The following FHOD3 variants were observed in gnomAD, a reference collection of about 807,000 sequenced individuals.
FHOD3 encodes the protein formin homology 2 domain containing 3.
Under a neutral mutation model 173.0 loss-of-function variants are expected in FHOD3, and 90 were observed. The ratio of observed to expected loss-of-function variants is 0.52; its 90% CI spans 0.44 to 0.62. The LOEUF (loss-of-function observed/expected upper bound fraction) is 0.62, where lower values mean the gene tolerates loss of function less well. Ranked by LOEUF, FHOD3 falls within the 20% of genes least tolerant of loss-of-function variation. The probability of loss-of-function intolerance (pLI) is 0.00; values close to 1 mark genes in which losing one functional copy is unlikely to be tolerated. For synonymous variants in FHOD3, 828 were observed against 823.0 expected, an observed-to-expected ratio of 1.01 and a Z score of -0.10; for missense variants, 1,945 against 2,034.7, an observed-to-expected ratio of 0.96 and a Z score of 0.85.
chr18:36,306,384 G>C (rs1330579020), intron 1 of FHOD3, among the ~76,000 whole-genome samples: 1 of 152,214 alleles, frequency 6.6e-6, no homozygotes, highest in East Asian at 1.9e-4. Flanking sequence ...GTAGTTTACA[G>C]TAGGTCTTGA....
chr18:36,457,567 C>CT (rs11375109), intron 3 of FHOD3, among the ~76,000 whole-genome samples: 22,359 of 151,556 alleles, frequency 0.15, 3,801 homozygotes, highest in African/African-American at 0.41. Context: ...AAAGGAGCAG[C>CT]TTTTGTAGTT....
chr18:36,727,675 G>C (rs1198854608), intron 19 of FHOD3, among the ~76,000 whole-genome samples: 1 of 152,148 alleles, frequency 6.6e-6, no homozygotes, highest in South Asian at 2.1e-4. Flanking sequence ...GTGTGTTGCT[G>C]TAAGTTGAGC....
At chr18:36,587,380 C>G (rs919002539) in intron 6 of FHOD3, among the ~76,000 whole-genome samples, 1 of 152,168 alleles carries the variant, frequency 6.6e-6, no homozygotes, top group African/African-American at 2.4e-5. Flanking sequence ...CTTCTGACCT[C>G]AGGCATCGTA....
At chr18:36,464,990 T>G (rs2052822676) in intron 3 of FHOD3, among the ~76,000 whole-genome samples, 1 of 152,044 alleles carries the variant, frequency 6.6e-6, no homozygotes, top group South Asian at 2.1e-4. Flanking sequence ...TTTTAAATAA[T>G]AGTAAAATAG....
intron 25 of FHOD3, among the ~76,000 whole-genome samples, chr18:36,755,692 G>T (rs1358789839): frequency 1.3e-5 from 2 of 152,168 alleles, no homozygotes; most frequent in African/African-American, 4.8e-5. Flanking sequence ...AAAGACAAAT[G>T]TACTGATTGG....
At chr18:36,338,315 C>T (rs1238251479) in intron 1 of FHOD3, among the ~76,000 whole-genome samples, 2 of 152,206 alleles carry the variant, frequency 1.3e-5, no homozygotes, top group Non-Finnish European at 2.9e-5. Context: ...GAGGGCAGTA[C>T]TGCTCAGCTC....
At chr18:36,647,978 G>A (rs1049337745) in intron 10 of FHOD3, among the ~76,000 whole-genome samples, 1 of 152,102 alleles carries the variant, frequency 6.6e-6, no homozygotes, top group Non-Finnish European at 1.5e-5. Flanking sequence ...GTACTTTTCT[G>A]TATGTATTTT....
intron 6 of FHOD3, among the ~76,000 whole-genome samples, chr18:36,589,816 G>T (rs1183663947): frequency 1.3e-5 from 2 of 152,060 alleles, no homozygotes; most frequent in African/African-American, 2.4e-5. Context: ...CTTTGTGACT[G>T]CTGTGTCTTC....
chr18:36,770,635 G>A (rs2043336150), intron 28 of FHOD3, among the ~76,000 whole-genome samples: 2 of 152,184 alleles, frequency 1.3e-5, no homozygotes, highest in African/African-American at 4.8e-5. Context: ...AAGATGGGTG[G>A]ACTGAGAATC....
At chr18:36,299,777 A>G (rs917409138) in intron 1 of FHOD3, among the ~76,000 whole-genome samples, 1 of 152,170 alleles carries the variant, frequency 6.6e-6, no homozygotes, top group Non-Finnish European at 1.5e-5. Context: ...AAGTGGTTCT[A>G]CAGAGACCCT....
intron 2 of FHOD3, among the ~76,000 whole-genome samples, chr18:36,372,013 C>G (rs2047218668): frequency 6.6e-6 from 1 of 152,196 alleles, no homozygotes. Flanking sequence ...TTTGGTTCCT[C>G]TCTGCATAAA....
In FHOD3 at chr18:36,730,282, C is replaced by T. The variant is rs1459497900; in HGVS notation, c.3418-364C>T. Reference sequence around the variant, plus strand: ...CCATATGTATGAAGGCCAACCAAGACATTCGGACACCTCAAAGCCCACAAG... The same window carrying T: ...CCATATGTATGAAGGCCAACCAAGATATTCGGACACCTCAAAGCCCACAAG... On this transcript the variant is annotated intron_variant, in intron 19 of 28. Transcript: ENST00000590592. Among the ~76,000 whole-genome samples, 2 of 152,334 alleles carry T rather than the reference C, an allele frequency of 1.3e-5. 1 individual carries two copies. The highest frequency in any genetic ancestry group is 4.1e-4 in the South Asian group (2 of 4,830).
chr18:36,658,048 C>T, intron 13 of FHOD3, 27 bp from the exon 14 acceptor site: 4 of 1,520,130 alleles, frequency 2.6e-6, no homozygotes, highest in Non-Finnish European at 3.6e-6. Context: ...TCCTTTTCCC[C>T]CCAACTTAAA....
At chr18:36,423,300 T>G (rs1167173036) in intron 3 of FHOD3, among the ~76,000 whole-genome samples, 4 of 152,144 alleles carry the variant, frequency 2.6e-5, no homozygotes. Context: ...GAGATCAGAT[T>G]GGGTTTGACT....
At chr18:36,380,398 G>C (rs1335449533) in intron 3 of FHOD3, among the ~76,000 whole-genome samples, 2 of 152,014 alleles carry the variant, frequency 1.3e-5, no homozygotes, top group Non-Finnish European at 2.9e-5. Context: ...GCAAGGGATA[G>C]AGCCACGTTA....
At chr18:36,443,293 G>C (rs2051261669) in intron 3 of FHOD3, among the ~76,000 whole-genome samples, 1 of 152,138 alleles carries the variant, frequency 6.6e-6, no homozygotes, top group South Asian at 2.1e-4. Flanking sequence ...TTCTGTTTCT[G>C]TGATTCCATC....
At chr18:36,467,183 C>T (rs1169902979) in intron 3 of FHOD3, among the ~76,000 whole-genome samples, 2 of 152,126 alleles carry the variant, frequency 1.3e-5, no homozygotes, top group African/African-American at 4.8e-5. Context: ...CCGAGCACAC[C>T]ACCCTTCACC....
At chr18:36,568,658 G>GAT (rs1448504257) in intron 5 of FHOD3, among the ~76,000 whole-genome samples, 2 of 152,176 alleles carry the variant, frequency 1.3e-5, no homozygotes, top group African/African-American at 4.8e-5. Context: ...AAACTGAACT[G>GAT]ATATTAGAGC....
intron 8 of FHOD3, 119 bp downstream of exon 8, chr18:36,602,887 G>A: frequency 1.3e-6 from 1 of 757,430 alleles, no homozygotes; most frequent in Non-Finnish European, 2.3e-6. Flanking sequence ...GATATAATCT[G>A]GTTGTGAGGG....
Sources: allele counts gnomAD v4.1 joint callset (sites outside exome capture counted in the v4.1 genomes callset), GRCh38; gene constraint gnomAD v4.1.1; transcripts MANE v1.5; gene names NCBI Gene and HGNC (gene_info 2026-07-23, HGNC 2026-07-21).